The following MYO3B variants were observed in gnomAD, a reference collection of about 807,000 sequenced individuals.
MYO3B encodes myosin-IIIb.
A neutral mutation model predicts 174.6 loss-of-function variants in MYO3B; 156 were observed. The observed-to-expected ratio is 0.89, with a 90% CI of 0.78 to 1.02. MYO3B has a LOEUF of 1.02. MYO3B is among the 50% of genes least tolerant of loss of function. MYO3B has a pLI of 0.00. For missense variants in MYO3B, 1,632 were observed against 1,639.4 expected (o/e 1.00, Z 0.08); for synonymous variants, 563 against 569.1 (o/e 0.99, Z 0.15).
chr2:170,535,290 C>T (rs980159371), intron 30 of MYO3B, among the ~76,000 whole-genome samples: 11 of 152,192 alleles, frequency 7.2e-5, no homozygotes, highest in South Asian at 4.1e-4. Flanking sequence ...TTGCATGTGT[C>T]ATACACATTG....
intron 28 of MYO3B, among the ~76,000 whole-genome samples, chr2:170,502,429 T>G (rs1687336235): frequency 6.6e-6 from 1 of 152,206 alleles, no homozygotes; most frequent in Non-Finnish European, 1.5e-5. Context: ...AAATCCAGGC[T>G]TATATGTGGC....
At chr2:170,643,713 G>A (rs367724069) in intron 32 of MYO3B, 14 of 152,180 alleles carry the variant, frequency 9.2e-5, no homozygotes, top group African/African-American at 1.7e-4. Context: ...GAAAGTATCC[G>A]TACCTGATGA....
At chr2:170,349,821 A>G (rs990562190) in intron 8 of MYO3B, 64 of 147,714 alleles carry the variant, frequency 4.3e-4, no homozygotes, top group African/African-American at 1.5e-3. Flanking sequence ...AAAGAAAGAA[A>G]GAAAAAAATT....
chr2:170,448,137 C>A (rs1683356528), intron 23 of MYO3B, among the ~76,000 whole-genome samples: 1 of 152,122 alleles, frequency 6.6e-6, no homozygotes, highest in South Asian at 2.1e-4. Flanking sequence ...CTTGCAAAGG[C>A]AGTCTAGTCC....
intron 25 of MYO3B, among the ~76,000 whole-genome samples, chr2:170,471,555 A>C (rs1280653103): frequency 6.6e-6 from 1 of 152,114 alleles, no homozygotes; most frequent in Non-Finnish European, 1.5e-5. Context: ...TCTATGGTCC[A>C]TTTGGATTTA....
chr2:170,329,326 C>A (rs1167421192), intron 7 of MYO3B, among the ~76,000 whole-genome samples: 1 of 151,346 alleles, frequency 6.6e-6, no homozygotes, highest in Non-Finnish European at 1.5e-5. Flanking sequence ...AAGAATATAA[C>A]CCATACTGAT....
At chr2:170,249,478 A>C (rs2093228353) in intron 7 of MYO3B, among the ~76,000 whole-genome samples, 1 of 152,216 alleles carries the variant, frequency 6.6e-6, no homozygotes, top group African/African-American at 2.4e-5. Context: ...AATAAGGGAG[A>C]GTTACTGACT....
chr2:170,272,972 A>G (rs1175418920), intron 7 of MYO3B, among the ~76,000 whole-genome samples: 5 of 152,188 alleles, frequency 3.3e-5, no homozygotes, highest in African/African-American at 7.2e-5. Flanking sequence ...GATAGTAACC[A>G]TTATGGGAAG....
chr2:170,203,523 AAG>A (rs1319304027), intron 3 of MYO3B, among the ~76,000 whole-genome samples: 1 of 150,366 alleles, frequency 6.7e-6, no homozygotes, highest in South Asian at 2.1e-4. Flanking sequence ...GGGAGGGAGA[AAG>A]AGAGACAGCA....
intron 22 of MYO3B, among the ~76,000 whole-genome samples, chr2:170,423,428 C>G (rs1454467149): frequency 6.6e-6 from 1 of 151,978 alleles, no homozygotes. Context: ...GTTGATCCTC[C>G]CAAAGAAAAT....
At chr2:170,469,980 T>C (rs1684876493) in intron 25 of MYO3B, among the ~76,000 whole-genome samples, 1 of 151,622 alleles carries the variant, frequency 6.6e-6, no homozygotes, top group Admixed American at 6.6e-5. Flanking sequence ...TGCATGCCTG[T>C]AATCCCAGCT....
chr2:170,610,871 A>G (rs1695090233), intron 32 of MYO3B, among the ~76,000 whole-genome samples: 1 of 152,230 alleles, frequency 6.6e-6, no homozygotes, highest in African/African-American at 2.4e-5. Flanking sequence ...AGCAATTTAT[A>G]TATTGTGAAG....
chr2:170,474,486 C>T (rs553989464), intron 25 of MYO3B, among the ~76,000 whole-genome samples: 4 of 151,794 alleles, frequency 2.6e-5, no homozygotes, highest in South Asian at 4.2e-4. Flanking sequence ...CCTGTAATCC[C>T]AGCACTTTGG....
intron 32 of MYO3B, among the ~76,000 whole-genome samples, chr2:170,628,538 C>T (rs936211216): frequency 3.9e-5 from 6 of 152,160 alleles, no homozygotes; most frequent in South Asian, 2.1e-4. Flanking sequence ...ACGCTCAGTG[C>T]GCTGCACCCA....
At chr2:170,552,321 A>T (rs562386688) in intron 32 of MYO3B, among the ~76,000 whole-genome samples, 2 of 152,318 alleles carry the variant, frequency 1.3e-5, no homozygotes, top group African/African-American at 4.8e-5. Flanking sequence ...GCTGATAGTG[A>T]TATGGACAGT....
chr2:170,560,708 C>G (rs1237444399), intron 32 of MYO3B, among the ~76,000 whole-genome samples: 1 of 152,174 alleles, frequency 6.6e-6, no homozygotes, highest in Non-Finnish European at 1.5e-5. Flanking sequence ...TGCCAGGACA[C>G]AATGGCTGGG....
chr2:170,523,486 G>A (rs531891470), intron 30 of MYO3B, among the ~76,000 whole-genome samples: 1 of 152,142 alleles, frequency 6.6e-6, no homozygotes, highest in Non-Finnish European at 1.5e-5. Context: ...GTTTGGGGTG[G>A]GCAGAGTAAG....
chr2:170,545,012 C>T (rs2106209544), intron 32 of MYO3B, among the ~76,000 whole-genome samples: 1 of 152,228 alleles, frequency 6.6e-6, no homozygotes, highest in East Asian at 1.9e-4. Flanking sequence ...TCCAAACAGA[C>T]AGTCTCTGTA....
At chr2:170,608,212 A>C (rs910523536) in intron 32 of MYO3B, among the ~76,000 whole-genome samples, 2 of 152,224 alleles carry the variant, frequency 1.3e-5, no homozygotes, top group Non-Finnish European at 2.9e-5. Context: ...CGTCTCAAAA[A>C]AGAATAGTTA....
Sources: gnomAD v4.1 joint callset for allele counts (sites outside exome capture counted in the v4.1 genomes callset) on GRCh38, gnomAD v4.1.1 for gene constraint, MANE v1.5 for transcripts, NCBI Gene and HGNC (gene_info 2026-07-23, HGNC 2026-07-21) for gene names.